The following SLC35H1 variants were observed in gnomAD, a reference collection of about 807,000 sequenced individuals.
The protein encoded by SLC35H1 is solute carrier family 35 member H1, also known as ovarian cancer-overexpressed gene 1 protein.
chr20:46,357,887 G>T, the SLC35H1 span: 2 of 1,179,704 alleles, frequency 1.7e-6, no homozygotes, highest in Non-Finnish European at 2.4e-6. Context: ...TGGTTCATGA[G>T]GACCTTGCTA....
chr20:46,358,196 T>A, the SLC35H1 span, among the ~76,000 whole-genome samples: 1 of 152,320 alleles, frequency 6.6e-6, no homozygotes, highest in Non-Finnish European at 1.5e-5. Flanking sequence ...CTCCTTGGTT[T>A]CCCTGGATCC....
the SLC35H1 span, among the ~76,000 whole-genome samples, chr20:46,362,238 C>A: frequency 6.6e-6 from 1 of 152,166 alleles, no homozygotes; most frequent in African/African-American, 2.4e-5. Context: ...AGGTCCCCAC[C>A]CTTATTTTAT....
the SLC35H1 span, chr20:46,358,913 G>A: frequency 4.7e-6 from 3 of 640,264 alleles, no homozygotes; most frequent in Non-Finnish European, 8.4e-6. Flanking sequence ...CGTGTCTGCT[G>A]TCTTGTCACC....
chr20:46,347,917 A>G, the SLC35H1 span: 1 of 151,876 alleles, frequency 6.6e-6, no homozygotes, highest in Non-Finnish European at 1.5e-5. Context: ...AGCACTTGAA[A>G]CTCGAACCTG....
At chr20:46,352,038 C>A in the SLC35H1 span, 6 of 1,613,372 alleles carry the variant, frequency 3.7e-6, no homozygotes, top group African/African-American at 5.3e-5. Flanking sequence ...TGGCATCACG[C>A]CCGAGTCTGT....
At chr20:46,354,509 G>A in the SLC35H1 span, among the ~76,000 whole-genome samples, 4 of 152,114 alleles carry the variant, frequency 2.6e-5, no homozygotes, top group East Asian at 7.7e-4. Flanking sequence ...GCTCATTTAC[G>A]AGCTATGGGA....
chr20:46,360,055 G>C, the SLC35H1 span, among the ~76,000 whole-genome samples: 1 of 152,204 alleles, frequency 6.6e-6, no homozygotes. Flanking sequence ...CGTTCAGTAA[G>C]CAGGGATAAA....
At chr20:46,358,954 G>A in the SLC35H1 span, 2 of 603,192 alleles carry the variant, frequency 3.3e-6, no homozygotes, top group Admixed American at 2.8e-5. Flanking sequence ...TGCCACCAAA[G>A]TGACCTTTTA....
the SLC35H1 span, chr20:46,350,318 C>G: frequency 1.1e-5 from 16 of 1,508,544 alleles, no homozygotes; most frequent in Non-Finnish European, 1.2e-5. Context: ...CATGATGAGC[C>G]CTGGCGGCTT....
the SLC35H1 span, chr20:46,350,724 C>T: frequency 2.5e-6 from 4 of 1,605,774 alleles, no homozygotes; most frequent in East Asian, 4.5e-5. Flanking sequence ...GGGAGAAGAA[C>T]AGAAAACAGA....
the SLC35H1 span, among the ~76,000 whole-genome samples, chr20:46,359,768 C>A: frequency 2.0e-5 from 3 of 152,202 alleles, no homozygotes; most frequent in Non-Finnish European, 4.4e-5. Flanking sequence ...CCCCCCTCAA[C>A]CACAGATCCT....
chr20:46,350,639 C>G, the SLC35H1 span: 3 of 1,509,580 alleles, frequency 2.0e-6, no homozygotes, highest in Middle Eastern at 1.8e-4. Context: ...GAGATGACCC[C>G]CACATCTTCC....
the SLC35H1 span, chr20:46,358,376 C>T: frequency 6.2e-7 from 1 of 1,602,834 alleles, no homozygotes; most frequent in South Asian, 1.1e-5. Context: ...CCCAGCAAGG[C>T]CTCCTGGTAC....
chr20:46,350,434 T>C, the SLC35H1 span: 3 of 1,613,442 alleles, frequency 1.9e-6, no homozygotes, highest in East Asian at 2.2e-5. Flanking sequence ...CTCCTCCTCA[T>C]TGTCACCTTC....
chr20:46,363,724 A>C, the SLC35H1 span, among the ~76,000 whole-genome samples: 1 of 152,072 alleles, frequency 6.6e-6, no homozygotes, highest in Non-Finnish European at 1.5e-5. Flanking sequence ...TTTCGCCCCT[A>C]AGGCCTGGAA....
chr20:46,355,002 C>A, the SLC35H1 span: 2 of 1,613,696 alleles, frequency 1.2e-6, no homozygotes, highest in East Asian at 2.2e-5. This position sits in a 1 kb window ranked among gnomAD's most constrained non-coding sequence, Gnocchi z 4.8. Flanking sequence ...AGGTCTGGTC[C>A]GGCCCTGCCC....
the SLC35H1 span, chr20:46,350,722 A>G: frequency 6.2e-7 from 1 of 1,607,954 alleles, no homozygotes; most frequent in South Asian, 1.1e-5. Context: ...CAGGGAGAAG[A>G]ACAGAAAACA....
the SLC35H1 span, among the ~76,000 whole-genome samples, chr20:46,362,046 C>A: frequency 6.6e-6 from 1 of 152,246 alleles, no homozygotes; most frequent in African/African-American, 2.4e-5. Flanking sequence ...GCTACCCCGC[C>A]TACAAGAAGC....
the SLC35H1 span, chr20:46,356,744 G>A: frequency 9.5e-7 from 1 of 1,053,248 alleles, no homozygotes; most frequent in Non-Finnish European, 1.4e-6. Context: ...AACCATCCCG[G>A]TGCCTCCTGT....
Sources: gnomAD v4.1 joint callset for allele counts (sites outside exome capture counted in the v4.1 genomes callset) on GRCh38, gnomAD v4.1.1 for gene constraint, Gnocchi (gnomAD v3.1) non-coding constraint, MANE v1.5 for transcripts, NCBI Gene and HGNC (gene_info 2026-07-23, HGNC 2026-07-21) for gene names.